ST3GAL1: variants seen among roughly 807,000 people sequenced by gnomAD.
ST3GAL1 encodes ST3 beta-galactoside alpha-2,3-sialyltransferase 1.
ST3GAL1 carries 16 observed loss-of-function variants against 34.1 expected under a neutral mutation model. The observed-to-expected ratio is 0.47, with a 90% CI of 0.32 to 0.71. ST3GAL1 has a LOEUF of 0.71. Ranked by LOEUF, ST3GAL1 falls within the 30% of genes least tolerant of loss-of-function variation. ST3GAL1 has a pLI of 0.04. For missense variants in ST3GAL1, 353 were observed against 447.4 expected (o/e 0.79, Z 1.90); for synonymous variants, 191 against 184.7 (o/e 1.03, Z -0.28).
At chr8:133,497,455 AAT>A (rs1491524358) in intron 3 of ST3GAL1, among the ~76,000 whole-genome samples, 10,889 of 101,138 alleles carry the variant, frequency 0.11, 3,022 homozygotes, top group Admixed American at 0.15. Flanking sequence ...ATTTTGTTGG[AAT>A]TTTTTTTTTT....
rs1234220239 is a variant in ST3GAL1, at chr8:133,556,664, A to G, written c.-581-10738T>C. On this transcript the variant is annotated intron_variant, in intron 1 of 9. Transcript: ENST00000522652. The surrounding 1 kb of genome is among the most constrained non-coding windows in gnomAD (Gnocchi z 8.9). ...GAGAAAAAGAAGGAACGAAAATGGG[A>G]AGGAAGAGAAGGGAGAAAGAAAACT... is the stretch of plus-strand genomic sequence containing the variant. Among the ~76,000 whole-genome samples the G allele has an allele frequency of 3.9e-5, 6 of 152,182 alleles. No individual in the cohort carries two copies. Among genetic ancestry groups the G allele is most frequent in the African/African-American group, 1.4e-4 (6 of 41,434 alleles).
At chr8:133,562,166 G>A (rs530691643) in intron 1 of ST3GAL1, among the ~76,000 whole-genome samples, 128 of 151,084 alleles carry the variant, frequency 8.5e-4, no homozygotes, top group Middle Eastern at 3.5e-3. Flanking sequence ...AGAGGCCCAT[G>A]TGACCTTGGC....
intron 8 of ST3GAL1, 104 bp from the exon 9 acceptor site, chr8:133,462,098 G>A (rs1469270703): frequency 5.9e-6 from 9 of 1,521,266 alleles, no homozygotes; most frequent in Admixed American, 5.4e-5. Flanking sequence ...GCACAGCCAT[G>A]AGCCTAATAG....
intron 2 of ST3GAL1, among the ~76,000 whole-genome samples, chr8:133,507,862 G>T (rs2131006488): frequency 6.6e-6 from 1 of 152,296 alleles, no homozygotes; most frequent in East Asian, 1.9e-4. Flanking sequence ...AGTAGATGCT[G>T]CTGGCACTCT....
rs71299078 is a variant in ST3GAL1 at position 133,541,120 on chromosome 8, T to TATATAGAG, written c.-429+4653_-429+4654insCTCTATAT. On this transcript the variant is annotated intron_variant, in intron 2 of 9. Transcript: ENST00000522652. ...ACATATATATATATATATATATATA[T>TATATAGAG]AGAGAGAGAGAGAGAGAGAGAGAGA... Among the ~76,000 whole-genome samples, 97 of 48,638 alleles carry TATATAGAG rather than the reference T, an allele frequency of 2.0e-3. 14 individuals are homozygous for TATATAGAG. Among genetic ancestry groups the TATATAGAG allele is most frequent in the African/African-American group, 8.5e-3 (86 of 10,134 alleles). The allele number at this position is 48,638 out of a possible 152,430, so 31.9% of individuals were successfully genotyped here. A position where few individuals can be genotyped will look rare whatever the true frequency, so the allele number is the denominator to read the frequency against.
In ST3GAL1 at chr8:133,507,705, G is replaced by A. The variant is rs75735388; in HGVS notation, c.-428-8516C>T. Among the ~76,000 whole-genome samples, 328 of 152,322 alleles carry A rather than the reference G, an allele frequency of 2.2e-3. 1 individual carries two copies. The highest frequency in any genetic ancestry group is 7.6e-3 in the African/African-American group (317 of 41,568). On this transcript the variant is annotated intron_variant, in intron 2 of 9. Transcript: ENST00000522652. Reference sequence around the variant, plus strand: ...AAACCTGAGCAGCATGGAGGGCAGGGGATGGTAATCAAGAACCACTGGACT... The same window carrying A: ...AAACCTGAGCAGCATGGAGGGCAGGAGATGGTAATCAAGAACCACTGGACT...
At chr8:133,559,189 A>G (rs979516716) in intron 1 of ST3GAL1, among the ~76,000 whole-genome samples, 1 of 152,186 alleles carries the variant, frequency 6.6e-6, no homozygotes, top group Non-Finnish European at 1.5e-5. Context: ...ACTCTTGTTT[A>G]TATCAGTTAC....
chr8:133,563,454 T>C (rs1212469918), intron 1 of ST3GAL1, among the ~76,000 whole-genome samples: 1 of 152,228 alleles, frequency 6.6e-6, no homozygotes, highest in Non-Finnish European at 1.5e-5. Flanking sequence ...GTTTCCGCAC[T>C]AGGCCCCAAC....
At chr8:133,465,772 CT>C in intron 6 of ST3GAL1, 121 bp downstream of exon 6, 1 of 1,091,062 alleles carries the variant, frequency 9.2e-7, no homozygotes, top group Non-Finnish European at 1.3e-6. Context: ...CCTGGGGTCC[CT>C]GGGTAAGTTC....
chr8:133,479,408 C>A (rs1265589020), intron 3 of ST3GAL1, among the ~76,000 whole-genome samples: 1 of 152,134 alleles, frequency 6.6e-6, no homozygotes, highest in Admixed American at 6.6e-5. Flanking sequence ...ACAGTCAAGA[C>A]TAAGTTTTCT....
intron 3 of ST3GAL1, among the ~76,000 whole-genome samples, chr8:133,478,776 CTCTG>C (rs1172973453): frequency 2.0e-5 from 3 of 152,168 alleles, no homozygotes; most frequent in Non-Finnish European, 2.9e-5. Flanking sequence ...CCTGGCTGCA[CTCTG>C]TCTGTGCTCT....
At chr8:133,498,494 G>A (rs1370274502) in intron 3 of ST3GAL1, among the ~76,000 whole-genome samples, 2 of 152,018 alleles carry the variant, frequency 1.3e-5, no homozygotes, top group Admixed American at 6.5e-5. Context: ...TGTCAACCTC[G>A]TGTTTGGAGG....
In ST3GAL1 at chr8:133,496,850, A is replaced by G. The variant is rs563563278; in HGVS notation, c.-374+2285T>C. ...GATGGGGCTGTTTTTCCCAAATACC[A>G]CCCCTCTTCCGAGTTCTTGGCCCCA... is the stretch of plus-strand genomic sequence containing the variant. On this transcript the variant is annotated intron_variant, in intron 3 of 9. Coordinates refer to ENST00000522652, the MANE Select transcript of ST3GAL1 (RefSeq NM_173344.3). 8.5e-5 allele frequency among the ~76,000 whole-genome samples: 13 copies of G among 152,154 alleles called. No individual in the cohort carries two copies. The South Asian group carries it at 1.9e-3, about 22-fold the overall frequency.
rs757938566 is a variant in ST3GAL1 at position 133,461,919 on chromosome 8, T to G, written c.805A>C (p.Thr269Pro). 1.9e-6 allele frequency: 3 copies of G among 1,613,830 alleles called. No homozygotes were observed. The African/African-American group carries it at 4.0e-5, about 22-fold the overall frequency. Residue 269 changes from threonine to proline, a missense_variant, in exon 9 of 10, where the codon ACC becomes CCC. By Grantham distance (38) the Thr-to-Pro change is conservative (BLOSUM62 -1). Coordinates refer to ENST00000522652, the MANE Select transcript of ST3GAL1 (RefSeq NM_173344.3). The surrounding 1 kb of genome is among the most constrained non-coding windows in gnomAD (Gnocchi z 4.7). Reference protein sequence around the residue: ...WLQGHGRYPSTGILSVIFSMH... With the variant: ...WLQGHGRYPSPGILSVIFSMH... Reference sequence around the variant, plus strand: ...GAGAAGATGACCGAGAGGATGCCGGTAGATGGGTATCGCCCGTGCCCTTGC... The same window carrying G: ...GAGAAGATGACCGAGAGGATGCCGGGAGATGGGTATCGCCCGTGCCCTTGC...
intron 2 of ST3GAL1, among the ~76,000 whole-genome samples, chr8:133,533,147 G>A (rs541626976): frequency 7.9e-5 from 12 of 152,158 alleles, no homozygotes; most frequent in South Asian, 2.1e-4. Context: ...GTCCCCCAGC[G>A]CCCCCGCAGT....
chr8:133,494,913 CTTTTTTTT>C (rs34975583), intron 3 of ST3GAL1, among the ~76,000 whole-genome samples: 1 of 100,708 alleles, frequency 9.9e-6, no homozygotes, highest in Admixed American at 1.2e-4. Flanking sequence ...TTCCTCTATT[CTTTTTTTT>C]TTTTTTTTTT....
chr8:133,459,267 G>T lies in ST3GAL1; in HGVS notation c.*497C>A, dbSNP rs77173808. 6.9e-3 allele frequency: 1,060 copies of T among 152,592 alleles called. 7 individuals carry two copies. Among genetic ancestry groups the T allele is most frequent in the Non-Finnish European group, 0.011 (717 of 68,276 alleles). 9.5% of individuals were successfully genotyped at this position (152,592 alleles called of 1,614,324 possible). ...AAATGAGCTTTGGGAAGATGACAGGGTTATCACGCCAAGCAAGAGGCCAGG... is the reference window on the plus strand; with the variant it reads ...AAATGAGCTTTGGGAAGATGACAGGTTTATCACGCCAAGCAAGAGGCCAGG... On this transcript the variant is annotated 3_prime_UTR_variant, in exon 10 of 10. Coordinates refer to ENST00000522652, the MANE Select transcript of ST3GAL1 (RefSeq NM_173344.3). The surrounding 1 kb of genome is among the most constrained non-coding windows in gnomAD (Gnocchi z 4.7).
intron 1 of ST3GAL1, among the ~76,000 whole-genome samples, chr8:133,552,940 C>T (rs1022217750): frequency 6.6e-6 from 1 of 152,206 alleles, no homozygotes; most frequent in Non-Finnish European, 1.5e-5. Flanking sequence ...TCCCATTTCA[C>T]AGATGTGGAA....
chr8:133,563,127 AT>A (rs1433804374), intron 1 of ST3GAL1, among the ~76,000 whole-genome samples: 2 of 151,630 alleles, frequency 1.3e-5, no homozygotes, highest in South Asian at 2.1e-4. Flanking sequence ...ATTCAAATGG[AT>A]TTTTTTTAAT....
Sources: allele counts gnomAD v4.1 joint callset (sites outside exome capture counted in the v4.1 genomes callset), GRCh38; gene constraint gnomAD v4.1.1; non-coding constraint Gnocchi (gnomAD v3.1); transcripts MANE v1.5; gene names NCBI Gene and HGNC (gene_info 2026-07-23, HGNC 2026-07-21).